Variants in NAV1 observed in about 807,000 individuals in gnomAD.
The protein encoded by NAV1 is pore membrane and/or filament interacting like protein 3.
Under a neutral mutation model 175.2 loss-of-function variants are expected in NAV1, and 18 were observed. The observed-to-expected ratio is 0.10, with a 90% CI of 0.07 to 0.15. The LOEUF (loss-of-function observed/expected upper bound fraction) is 0.15, where lower values mean the gene tolerates loss of function less well. Among genes scored for constraint, NAV1 ranks in the 10% least tolerant of loss-of-function variants. The probability of loss-of-function intolerance (pLI) is 1.00; values close to 1 mark genes in which losing one functional copy is unlikely to be tolerated. For missense variants in NAV1, 1,731 were observed against 2,436.6 expected (o/e 0.71, Z 6.10); for synonymous variants, 897 against 978.7 (o/e 0.92, Z 1.56).
At chr1:201,804,518 C>A in intron 17 of NAV1, 21 bp downstream of exon 21, 1 of 1,543,002 alleles carries the variant, frequency 6.5e-7, no homozygotes, top group East Asian at 2.5e-5. Context: ...CAGTTCCTAT[C>A]CCCTTATTTT....
At position 201,782,558 on chromosome 1, in the gene NAV1, G is replaced by C; in HGVS notation, c.2046G>C (p.Met682Ile). The C allele has an allele frequency of 6.2e-7, 1 of 1,612,102 alleles. No homozygotes were observed. Among genetic ancestry groups the C allele is most frequent in the Non-Finnish European group, 8.5e-7 (1 of 1,178,358 alleles). The stretch of plus-strand genomic sequence containing the variant: ...CCCGGCCAGCCAAGTCAAGTTCTAT[G>C]AGCGTGACCGGCGGGCGGGGTGGAC... Residue 682 changes from methionine (M) to isoleucine (I), a missense_variant, in exon 6 of 30, where the codon ATG (methionine) becomes ATC (isoleucine). Physicochemically the swap from Met to Ile is conservative, Grantham distance 10 (BLOSUM62 1). Coordinates refer to ENST00000367296, the Ensembl canonical transcript of NAV1. This position sits in a 1 kb window ranked among gnomAD's most constrained non-coding sequence, Gnocchi z 5.4.
intron 1 of NAV1, among the ~76,000 whole-genome samples, chr1:201,702,175 G>C (rs1299950389): frequency 6.6e-6 from 1 of 152,136 alleles, no homozygotes; most frequent in Non-Finnish European, 1.5e-5. Context: ...GTCTAGAATA[G>C]GCAAACTCAC....
At chr1:201,617,176 G>T (rs1157771052) in intron 2 of NAV1, among the ~76,000 whole-genome samples, 1 of 151,604 alleles carries the variant, frequency 6.6e-6, no homozygotes, top group Non-Finnish European at 1.5e-5. Flanking sequence ...TTTGGAGGTG[G>T]AGGATCTGAT....
At chr1:201,651,177 CTTGGCGAGGGAG>C (rs1669192471) in intron 1 of NAV1, among the ~76,000 whole-genome samples, 1 of 119,224 alleles carries the variant, frequency 8.4e-6, no homozygotes, top group Non-Finnish European at 1.9e-5. Context: ...GAGAGAGGGA[CTTGGCGAGGGAG>C]GGCAAGGGAG....
intron 1 of NAV1, among the ~76,000 whole-genome samples, chr1:201,689,886 G>A (rs564332989): frequency 1.2e-3 from 185 of 152,336 alleles, no homozygotes; most frequent in Non-Finnish European, 2.0e-3. Flanking sequence ...TGGCCTGTCT[G>A]TGGCAGAGTG....
intron 1 of NAV1, among the ~76,000 whole-genome samples, chr1:201,677,457 G>A (rs1362515172): frequency 2.6e-5 from 4 of 151,982 alleles, no homozygotes; most frequent in African/African-American, 4.8e-5. Flanking sequence ...TCTGCCCAAT[G>A]TCCCTTCCTC....
At chr1:201,738,026 A>G (rs940658510) in intron 3 of NAV1, among the ~76,000 whole-genome samples, 6 of 152,124 alleles carry the variant, frequency 3.9e-5, no homozygotes, top group African/African-American at 1.4e-4. Context: ...GGACATTACC[A>G]GAACAGGAGA....
chr1:201,822,693 A>C (rs777045250), exon 30 of NAV1: 1 of 152,570 alleles, frequency 6.6e-6, no homozygotes, highest in Non-Finnish European at 1.5e-5. Flanking sequence ...CAGGTCTCCA[A>C]TTGCTTTCCT....
At chr1:201,772,491 TG>T (rs1471082567) in intron 3 of NAV1, among the ~76,000 whole-genome samples, 2 of 151,782 alleles carry the variant, frequency 1.3e-5, no homozygotes, top group African/African-American at 4.8e-5. Flanking sequence ...GAAGTAGGAG[TG>T]GGATGGGAGT....
chr1:201,730,574 C>A (rs1411022558), intron 3 of NAV1, among the ~76,000 whole-genome samples: 1 of 152,216 alleles, frequency 6.6e-6, no homozygotes, highest in Non-Finnish European at 1.5e-5. Context: ...CCCTCGACAC[C>A]TAGCAATGTA....
intron 1 of NAV1, among the ~76,000 whole-genome samples, chr1:201,684,804 A>G (rs1432948478): frequency 6.6e-6 from 1 of 151,518 alleles, no homozygotes; most frequent in Non-Finnish European, 1.5e-5. Context: ...CCAATTCTTA[A>G]TACAAAAAAT....
At chr1:201,650,914 A>G (rs1669177976) in intron 1 of NAV1, among the ~76,000 whole-genome samples, 1 of 152,176 alleles carries the variant, frequency 6.6e-6, no homozygotes, top group South Asian at 2.1e-4. Flanking sequence ...TGCAAAGGGA[A>G]TGTGCCACCC....
chr1:201,542,278 G>A (rs1051866138), intron 1 of NAV1, among the ~76,000 whole-genome samples: 3 of 152,176 alleles, frequency 2.0e-5, no homozygotes, highest in Non-Finnish European at 2.9e-5. Context: ...GAGAGGAACA[G>A]AAACATATTA....
intron 1 of NAV1, among the ~76,000 whole-genome samples, chr1:201,628,148 A>G (rs1426449652): frequency 2.0e-5 from 3 of 151,606 alleles, no homozygotes; most frequent in Admixed American, 1.3e-4. Context: ...CAAAAAAAAA[A>G]AAAAAAAAGA....
In NAV1 at chr1:201,627,684, A is replaced by G. The variant is rs114015659; in HGVS notation, c.-100-1720A>G. Among the ~76,000 whole-genome samples the G allele has an allele frequency of 1.9e-3, 284 of 152,216 alleles. 1 individual carries two copies. The highest frequency in any genetic ancestry group is 6.4e-3 in the African/African-American group (264 of 41,544). On this transcript the variant is annotated intron_variant, in intron 1 of 29. Coordinates refer to the NAV1 transcript ENST00000367302. ...TAATCAATGAAACAGTTGACACATT[A>G]TATAGAATTCCCTCTCCCCAGTAGA...
intron 2 of NAV1, 45 bp downstream of exon 4, chr1:201,629,552 T>C (rs1668428736): frequency 6.4e-6 from 8 of 1,251,236 alleles, no homozygotes; most frequent in Non-Finnish European, 7.4e-6. Context: ...GGGAGGCCAC[T>C]GTGCTAGAGC....
chr1:201,623,683 G>C, intron 1 of NAV1, 77 bp downstream of exon 3: 1 of 985,272 alleles, frequency 1.0e-6, no homozygotes. Context: ...AGAGGACAGG[G>C]ACCCTGGTGA....
In NAV1 at chr1:201,648,649, A is replaced by T. The variant is rs1237313427; in HGVS notation, c.-20A>T. 1.0e-5 allele frequency: 14 copies of T among 1,365,746 alleles called. No homozygotes were observed. In the South Asian group the frequency reaches 1.5e-4, roughly 14 times the overall value. 84.6% of individuals were successfully genotyped at this position (1,365,746 alleles called of 1,614,324 possible). A position where few individuals can be genotyped will look rare whatever the true frequency, so the allele number is the denominator to read the frequency against. ...GTGCCTGCAGACGCGCGGATCGTCC[A>T]TGCGCTCCTCGCGGGCAGAATGCTG... On this transcript the variant is annotated 5_prime_UTR_variant, in exon 1 of 30. Coordinates refer to ENST00000367296, the Ensembl canonical transcript of NAV1.
At chr1:201,650,486 G>C (rs906016151) in intron 1 of NAV1, among the ~76,000 whole-genome samples, 2 of 152,192 alleles carry the variant, frequency 1.3e-5, no homozygotes, top group Non-Finnish European at 2.9e-5. Context: ...CTCCGGCGCC[G>C]AGGGACCCGA....
Sources: allele counts gnomAD v4.1 joint callset (sites outside exome capture counted in the v4.1 genomes callset), GRCh38; gene constraint gnomAD v4.1.1; non-coding constraint Gnocchi (gnomAD v3.1); transcripts MANE v1.5; gene names NCBI Gene and HGNC (gene_info 2026-07-23, HGNC 2026-07-21).